Variants in DMRTA1 observed in about 807,000 individuals in gnomAD.
The protein encoded by DMRTA1 is doublesex- and mab-3-related transcription factor A1.
DMRTA1 carries 34 observed loss-of-function variants against 35.2 expected under a neutral mutation model. That is an observed-to-expected ratio of 0.97 (90% CI 0.74 to 1.29). The LOEUF is 1.29. DMRTA1 is among the 50% of genes most tolerant of loss of function. The probability of loss-of-function intolerance (pLI) is 0.00; values close to 1 mark genes in which losing one functional copy is unlikely to be tolerated. For missense variants in DMRTA1, 824 were observed against 644.6 expected (o/e 1.28, Z -3.01); for synonymous variants, 344 against 276.6 (o/e 1.24, Z -2.42).
rs1049308354 is a variant in DMRTA1, at chr9:22,447,634, C to T, written c.569C>T (p.Ala190Val). Residue 190 changes from alanine to valine, a missense_variant, in exon 1 of 2, where the codon GCG becomes GTG. Transcript: ENST00000325870. ...CCACAGTCCACGGGCGGCCCTGCGGCGGGGGCTGCGCTGGGACTGGGTGCC... is the reference window on the plus strand; with the variant it reads ...CCACAGTCCACGGGCGGCCCTGCGGTGGGGGCTGCGCTGGGACTGGGTGCC... ...ENPQSTGGPA[A>V]GAALGLGALR... The T allele has an allele frequency of 3.7e-6, 6 of 1,604,152 alleles. No individual in the cohort carries two copies. Among genetic ancestry groups the T allele is most frequent in the Non-Finnish European group, 5.1e-6 (6 of 1,174,854 alleles).
In DMRTA1 at chr9:22,447,215, G is replaced by T. The variant is rs372741047; in HGVS notation, c.150G>T (p.Pro50=). The part of the protein sequence containing the change: ...GMQVPPAFLR[P]PSLFLRAAAA... The stretch of plus-strand genomic sequence containing the variant: ...AGGTTCCCCCAGCGTTCCTGCGGCC[G>T]CCCAGCCTCTTTCTGCGAGCAGCGG... Residue 50 remains proline (P), a synonymous_variant, in exon 1 of 2, where the codon CCG becomes CCT. Coordinates refer to ENST00000325870, the MANE Select transcript of DMRTA1 (RefSeq NM_022160.3). 2.6e-6 allele frequency: 4 copies of T among 1,568,086 alleles called. No individual in the cohort carries two copies. The highest frequency in any genetic ancestry group is 1.8e-4 in the Middle Eastern group (1 of 5,504).
intron 1 of DMRTA1, among the ~76,000 whole-genome samples, chr9:22,450,423 G>T (rs1347909878): frequency 6.6e-6 from 1 of 152,046 alleles, no homozygotes; most frequent in East Asian, 1.9e-4. Context: ...AATGAAATAT[G>T]CAAGCTCTAG....
chr9:22,451,427 G>A lies in DMRTA1; in HGVS notation c.1031G>A (p.Arg344Gln), dbSNP rs775700148. The A allele has an allele frequency of 2.8e-5, 45 of 1,613,988 alleles. No homozygotes were observed. The highest frequency in any genetic ancestry group is 3.5e-5 in the Non-Finnish European group (41 of 1,179,986). Residue 344 changes from arginine (R) to glutamine (Q), a missense_variant, in exon 2 of 2, where the codon CGG (arginine) becomes CAG (glutamine). Coordinates refer to ENST00000325870, the MANE Select transcript of DMRTA1 (RefSeq NM_022160.3). ...ATTTTCCCAAATTACAGGCGCAGCC[G>A]GCTAGAAGGCATTCTACGGTTCTGC... is the stretch of plus-strand genomic sequence containing the variant. ...TKIFPNYRRS[R>Q]LEGILRFCKG...
At position 22,452,844 on chromosome 9, in the gene DMRTA1, A is replaced by C. The variant is rs889497171; in HGVS notation, c.*933A>C. 2.6e-5 allele frequency: 4 copies of C among 152,156 alleles called. No individual in the cohort carries two copies. The highest frequency in any genetic ancestry group is 5.9e-5 in the Non-Finnish European group (4 of 67,986). The allele number at this position is 152,156 out of a possible 1,614,324, so 9.4% of individuals were successfully genotyped here. ...TTTGGGACAAGAATATATGGCAGCC[A>C]TTCTCAAAGGTAAGAATAATTTTAT... On this transcript the variant is annotated 3_prime_UTR_variant, in exon 2 of 2. Transcript: ENST00000325870.
At position 22,452,650 on chromosome 9, in the gene DMRTA1, A is replaced by G. The variant is rs1409514290; in HGVS notation, c.*739A>G. Reference sequence around the variant, plus strand: ...CAATTGCAACTGAGCTCTGTAGAGTATATGAATTAGAAACATTGATTCCGG... The same window carrying G: ...CAATTGCAACTGAGCTCTGTAGAGTGTATGAATTAGAAACATTGATTCCGG... On this transcript the variant is annotated 3_prime_UTR_variant, in exon 2 of 2. Transcript: ENST00000325870. The G allele has an allele frequency of 6.6e-6, 1 of 152,152 alleles. No homozygotes were observed. The highest frequency in any genetic ancestry group is 6.6e-5 in the Admixed American group (1 of 15,262). 9.4% of individuals were successfully genotyped at this position (152,152 alleles called of 1,614,324 possible).
Position 22,451,172 on chromosome 9 carries a change from G to T in DMRTA1, c.776G>T (p.Gly259Val), listed in dbSNP as rs976230965. Residue 259 changes from glycine (G) to valine (V), a missense_variant, in exon 2 of 2, where the codon GGG (glycine) becomes GTG (valine). Transcript: ENST00000325870. ...GSSSRSNGVI[G>V]KQSIGSSISE... ...TCTTCTAGGTCTAATGGTGTCATTGGGAAACAAAGTATCGGGTCATCTATT... is the reference window on the plus strand; with the variant it reads ...TCTTCTAGGTCTAATGGTGTCATTGTGAAACAAAGTATCGGGTCATCTATT... 4.3e-6 allele frequency: 7 copies of T among 1,613,854 alleles called. No individual in the cohort carries two copies. The highest frequency in any genetic ancestry group is 5.1e-6 in the Non-Finnish European group (6 of 1,179,948).
At position 22,451,983 on chromosome 9, in the gene DMRTA1, A is replaced by T; in HGVS notation, c.*72A>T. ...CATGCACGTGCACACACATACACAC[A>T]CATCCATTAATATACTTCAGTAAGT... On this transcript the variant is annotated 3_prime_UTR_variant, in exon 2 of 2. Transcript: ENST00000325870. 6.5e-7 allele frequency: 1 copy of T among 1,545,264 alleles called. No homozygotes were observed.
intron 1 of DMRTA1, among the ~76,000 whole-genome samples, chr9:22,450,337 T>C (rs1287278637): frequency 1.3e-5 from 2 of 150,856 alleles, no homozygotes; most frequent in East Asian, 1.9e-4. Context: ...CTGTTATTGA[T>C]ATTTCTTAAG....
chr9:22,455,500 A>T lies in DMRTA1; in HGVS notation c.*3589A>T, dbSNP rs1236034567. The T allele has an allele frequency of 6.6e-6, 1 of 152,170 alleles. No individual in the cohort carries two copies. Among genetic ancestry groups the T allele is most frequent in the East Asian group, 1.9e-4 (1 of 5,194 alleles). The allele number at this position is 152,170 out of a possible 1,614,324, so 9.4% of individuals were successfully genotyped here. A position where few individuals can be genotyped will look rare whatever the true frequency, so the allele number is the denominator to read the frequency against. ...CTCACTGTTATTACTTTGTATTAAGATATTATCTTTGCCCCCTCGTGGCAG... is the reference window on the plus strand; with the variant it reads ...CTCACTGTTATTACTTTGTATTAAGTTATTATCTTTGCCCCCTCGTGGCAG... On this transcript the variant is annotated 3_prime_UTR_variant, in exon 2 of 2. Transcript: ENST00000325870.
chr9:22,447,311 C>T lies in DMRTA1; in HGVS notation c.246C>T (p.Ser82=), dbSNP rs952454027. ...GGCPPAPGLE[S]GVGAVGCGYP... ...GCCCGCCGGCTCCCGGGCTGGAGAGCGGGGTAGGCGCGGTGGGCTGCGGCT... is the reference window on the plus strand; with the variant it reads ...GCCCGCCGGCTCCCGGGCTGGAGAGTGGGGTAGGCGCGGTGGGCTGCGGCT... Residue 82 remains serine, a synonymous_variant, in exon 1 of 2, where the codon AGC becomes AGT. Transcript: ENST00000325870. The T allele has an allele frequency of 3.3e-6, 5 of 1,518,578 alleles. No homozygotes were observed. The highest frequency in any genetic ancestry group is 2.9e-5 in the African/African-American group (2 of 69,054). The allele number at this position is 1,518,578 out of a possible 1,614,324, so 94.1% of individuals were successfully genotyped here. A position where few individuals can be genotyped will look rare whatever the true frequency, so the allele number is the denominator to read the frequency against.
At position 22,451,350 on chromosome 9, in the gene DMRTA1, C is replaced by T; in HGVS notation, c.954C>T (p.Ser318=). 3 of 1,614,096 alleles carry T rather than the reference C, an allele frequency of 1.9e-6. No homozygotes were observed. The highest frequency in any genetic ancestry group is 1.7e-6 in the Non-Finnish European group (2 of 1,179,980). Reference sequence around the variant, plus strand: ...AAGACTTGACTGCGACCAAGGCAAGCCTTCCGACAGTGTCCTCAAGACCAA... The same window carrying T: ...AAGACTTGACTGCGACCAAGGCAAGTCTTCCGACAGTGTCCTCAAGACCAA... ...WVKDLTATKA[S]LPTVSSRPRD... Residue 318 remains serine, a synonymous_variant, in exon 2 of 2, where the codon AGC becomes AGT. Transcript: ENST00000325870.
chr9:22,450,918 A>G (rs931952036), intron 1 of DMRTA1, 146 bp from the exon 2 acceptor site: 110 of 807,508 alleles, frequency 1.4e-4, no homozygotes, highest in Non-Finnish European at 1.8e-5. Flanking sequence ...AATTTGAGTT[A>G]TTCATTAAAA....
At chr9:22,448,847 C>CT (rs11373820) in intron 1 of DMRTA1, among the ~76,000 whole-genome samples, 54,599 of 152,044 alleles carry the variant, frequency 0.36, 11,943 homozygotes, top group African/African-American at 0.62. Context: ...CATGTGTCAA[C>CT]TTTTGCACAT....
rs959308168 is a variant in DMRTA1 at position 22,452,434 on chromosome 9, G to C, written c.*523G>C. ...GTATTTTTAAAGCATTTGATTTGCA[G>C]ATGGGTGATTCGTAATAAATAAAAC... On this transcript the variant is annotated 3_prime_UTR_variant, in exon 2 of 2. Transcript: ENST00000325870. The C allele has an allele frequency of 3.3e-5, 5 of 152,280 alleles. No individual in the cohort carries two copies. The highest frequency in any genetic ancestry group is 1.2e-4 in the African/African-American group (5 of 41,464). The allele number at this position is 152,280 out of a possible 1,614,324, so 9.4% of individuals were successfully genotyped here. A position where few individuals can be genotyped will look rare whatever the true frequency, so the allele number is the denominator to read the frequency against.
In DMRTA1 at chr9:22,452,039, T is replaced by C; in HGVS notation, c.*128T>C. On this transcript the variant is annotated 3_prime_UTR_variant, in exon 2 of 2. Coordinates refer to ENST00000325870, the MANE Select transcript of DMRTA1 (RefSeq NM_022160.3). ...AGTGGATTATGAGGTCTTAAAATGC[T>C]GGGTTTTTTTTTTTTCAAGCAATAT... The C allele has an allele frequency of 8.8e-7, 1 of 1,137,598 alleles. No homozygotes were observed. The allele number at this position is 1,137,598 out of a possible 1,614,324, so 70.5% of individuals were successfully genotyped here. A position where few individuals can be genotyped will look rare whatever the true frequency, so the allele number is the denominator to read the frequency against.
In DMRTA1 at chr9:22,452,972, G is replaced by A. The variant is rs1818954657; in HGVS notation, c.*1061G>A. 6.6e-6 allele frequency: 1 copy of A among 152,116 alleles called. No homozygotes were observed. The highest frequency in any genetic ancestry group is 1.5e-5 in the Non-Finnish European group (1 of 67,972). The allele number at this position is 152,116 out of a possible 1,614,324, so 9.4% of individuals were successfully genotyped here. Reference sequence around the variant, plus strand: ...ATAAGATTTCCAAAGGGGAAAAACTGCCATGAAGTTTCAGAGGTATTCTTG... The same window carrying A: ...ATAAGATTTCCAAAGGGGAAAAACTACCATGAAGTTTCAGAGGTATTCTTG... On this transcript the variant is annotated 3_prime_UTR_variant, in exon 2 of 2. Transcript: ENST00000325870.
chr9:22,447,341 G>A lies in DMRTA1; in HGVS notation c.276G>A (p.Pro92=), dbSNP rs1818849160. The change falls in exon 1 of 2, where the codon CCG becomes CCA. Residue 92 remains proline (P), a synonymous_variant. Transcript: ENST00000325870. The stretch of plus-strand genomic sequence containing the variant: ...TAGGCGCGGTGGGCTGCGGCTACCC[G>A]CGGACGCCCAAGTGCGCCCGCTGTC... ...SGVGAVGCGY[P]RTPKCARCRN... 2 of 1,529,282 alleles carry A rather than the reference G, an allele frequency of 1.3e-6. No homozygotes were observed. The highest frequency in any genetic ancestry group is 1.4e-5 in the African/African-American group (1 of 69,354). The allele number at this position is 1,529,282 out of a possible 1,614,324, so 94.7% of individuals were successfully genotyped here. A position where few individuals can be genotyped will look rare whatever the true frequency, so the allele number is the denominator to read the frequency against.
Position 22,453,134 on chromosome 9 carries a change from T to C in DMRTA1, c.*1223T>C, listed in dbSNP as rs944912439. 1 of 152,108 alleles carries C rather than the reference T, an allele frequency of 6.6e-6. No homozygotes were observed. Among genetic ancestry groups the C allele is most frequent in the Non-Finnish European group, 1.5e-5 (1 of 67,960 alleles). 9.4% of individuals were successfully genotyped at this position (152,108 alleles called of 1,614,324 possible). Reference sequence around the variant, plus strand: ...CTTTGTATGTCATCATTTTTCTTTTTTGAAGGACAGTAGCTTCATTGTTAT... The same window carrying C: ...CTTTGTATGTCATCATTTTTCTTTTCTGAAGGACAGTAGCTTCATTGTTAT... On this transcript the variant is annotated 3_prime_UTR_variant, in exon 2 of 2. Coordinates refer to ENST00000325870, the MANE Select transcript of DMRTA1 (RefSeq NM_022160.3).
chr9:22,452,769 G>T lies in DMRTA1; in HGVS notation c.*858G>T, dbSNP rs879500743. 6.6e-6 allele frequency: 1 copy of T among 152,034 alleles called. No homozygotes were observed. The highest frequency in any genetic ancestry group is 2.4e-5 in the African/African-American group (1 of 41,414). 9.4% of individuals were successfully genotyped at this position (152,034 alleles called of 1,614,324 possible). A position where few individuals can be genotyped will look rare whatever the true frequency, so the allele number is the denominator to read the frequency against. ...TGCACATCTACTGTGGATGAGAGTTGCAGTCTTTAAGTGTGCTTATGTCTG... is the reference window on the plus strand; with the variant it reads ...TGCACATCTACTGTGGATGAGAGTTTCAGTCTTTAAGTGTGCTTATGTCTG... On this transcript the variant is annotated 3_prime_UTR_variant, in exon 2 of 2. Coordinates refer to ENST00000325870, the MANE Select transcript of DMRTA1 (RefSeq NM_022160.3).
Sources: gnomAD v4.1 joint callset for allele counts (sites outside exome capture counted in the v4.1 genomes callset) on GRCh38, gnomAD v4.1.1 for gene constraint, MANE v1.5 for transcripts, NCBI Gene and HGNC (gene_info 2026-07-23, HGNC 2026-07-21) for gene names.